Variants in CA8 observed in about 807,000 individuals in gnomAD.
CA8 encodes the protein carbonic anhydrase 8 (inactive).
Under a neutral mutation model 41.4 loss-of-function variants are expected in CA8, and 22 were observed. The ratio of observed to expected loss-of-function variants is 0.53; its 90% CI spans 0.38 to 0.76. CA8 has a LOEUF of 0.76. CA8 is among the 30% of genes least tolerant of loss of function. CA8 has a pLI of 0.00. For synonymous variants in CA8, 121 were observed against 130.6 expected (o/e 0.93, Z 0.50); for missense variants, 270 against 352.8 (o/e 0.77, Z 1.88).
At chr8:60,210,338 A>G (rs1806789268) in intron 7 of CA8, among the ~76,000 whole-genome samples, 1 of 152,338 alleles carries the variant, frequency 6.6e-6, no homozygotes, top group East Asian at 1.9e-4. Flanking sequence ...ATAGCTATAG[A>G]ATTCTGCCAT....
intron 3 of CA8, among the ~76,000 whole-genome samples, chr8:60,242,047 T>A (rs1455543210): frequency 6.6e-6 from 1 of 152,214 alleles, no homozygotes; most frequent in African/African-American, 2.4e-5. Flanking sequence ...GGTTTTAGTG[T>A]TCACTGCTTC....
intron 8 of CA8, among the ~76,000 whole-genome samples, chr8:60,196,259 T>C (rs1254803138): frequency 6.6e-6 from 1 of 152,176 alleles, no homozygotes; most frequent in Non-Finnish European, 1.5e-5. Flanking sequence ...ATGATAATAA[T>C]AGTAATTGCT....
At chr8:60,274,250 T>A (rs1305103977) in intron 2 of CA8, among the ~76,000 whole-genome samples, 1 of 151,766 alleles carries the variant, frequency 6.6e-6, no homozygotes, top group Non-Finnish European at 1.5e-5. Context: ...TTATCTGCCC[T>A]CCCTCCTCAA....
intron 3 of CA8, among the ~76,000 whole-genome samples, chr8:60,261,521 G>A (rs1260987008): frequency 6.6e-6 from 1 of 151,994 alleles, no homozygotes; most frequent in Non-Finnish European, 1.5e-5. Context: ...GCCTATCCCT[G>A]ACAAAATTAT....
chr8:60,190,957 T>TACAC lies in CA8; in HGVS notation c.*36-976_*36-973dup, dbSNP rs112367263. ...CACACACTATATATATATATATATA[T>TACAC]ACACACACACATTTCTACATATGCA... On this transcript the variant is annotated intron_variant, in intron 8 of 8. Transcript: ENST00000317995. Among the ~76,000 whole-genome samples, 69 of 103,844 alleles carry TACAC rather than the reference T, an allele frequency of 6.6e-4. 1 individual carries two copies. The highest frequency in any genetic ancestry group is 2.0e-3 in the East Asian group (7 of 3,464). 68.1% of individuals were successfully genotyped at this position (103,844 alleles called of 152,430 possible).
intron 8 of CA8, among the ~76,000 whole-genome samples, chr8:60,200,121 C>G (rs1806380686): frequency 6.6e-6 from 1 of 152,176 alleles, no homozygotes; most frequent in Non-Finnish European, 1.5e-5. Flanking sequence ...CCCAGAAAAC[C>G]AGTAGGCCCC....
chr8:60,213,008 T>A (rs1054481712), intron 7 of CA8, among the ~76,000 whole-genome samples: 1 of 152,216 alleles, frequency 6.6e-6, no homozygotes, highest in Non-Finnish European at 1.5e-5. Flanking sequence ...AAACAGTCCA[T>A]ATATGTATAC....
rs144744990 is a variant in CA8 at position 60,223,707 on chromosome 8, A to G, written c.625+830T>C. 5.7e-4 allele frequency among the ~76,000 whole-genome samples: 87 copies of G among 152,354 alleles called. 1 individual carries two copies. The East Asian group carries it at 0.016, about 28-fold the overall frequency. On this transcript the variant is annotated intron_variant, in intron 6 of 8. Transcript: ENST00000317995. ...TTCTTATGAAATCCTTTAGCTCTGC[A>G]TTAGAGGAATTTATGACTAATATGA...
intron 4 of CA8, among the ~76,000 whole-genome samples, chr8:60,228,653 G>A (rs2130485081): frequency 6.6e-6 from 1 of 152,296 alleles, no homozygotes. Context: ...TGCTGGAGAG[G>A]ATAAAAATGA....
chr8:60,219,137 G>A (rs1807140014), intron 7 of CA8, among the ~76,000 whole-genome samples: 3 of 151,214 alleles, frequency 2.0e-5, no homozygotes, highest in South Asian at 4.2e-4. Context: ...TCTTTTCTTG[G>A]GTGTCTTATT....
chr8:60,224,753 T>C (rs949456279), intron 5 of CA8, among the ~76,000 whole-genome samples, 168 bp from the exon 6 acceptor site: 3 of 152,160 alleles, frequency 2.0e-5, no homozygotes, highest in Non-Finnish European at 2.9e-5. Context: ...AGTAACATTG[T>C]CTGGTTCCTG....
At chr8:60,193,483 G>C (rs182882772) in intron 8 of CA8, among the ~76,000 whole-genome samples, 1 of 152,266 alleles carries the variant, frequency 6.6e-6, no homozygotes, top group East Asian at 1.9e-4. Flanking sequence ...GCAATATCAA[G>C]TAGCTTCTGG....
At chr8:60,227,279 C>A (rs1262577914) in intron 4 of CA8, among the ~76,000 whole-genome samples, 14 of 151,240 alleles carry the variant, frequency 9.3e-5, no homozygotes, top group Admixed American at 9.2e-4. Flanking sequence ...GATGACACAG[C>A]AAGACTCTGT....
chr8:60,241,001 C>A (rs9298027), intron 3 of CA8, among the ~76,000 whole-genome samples: 52,670 of 151,998 alleles, frequency 0.35, 9,558 homozygotes, highest in African/African-American at 0.44. Context: ...ATTTAAGTCA[C>A]AAAATGGGTC....
intron 8 of CA8, among the ~76,000 whole-genome samples, chr8:60,200,902 T>G (rs188803527): frequency 2.7e-5 from 4 of 146,938 alleles, no homozygotes; most frequent in Non-Finnish European, 6.0e-5. Context: ...TTTTATTTAA[T>G]CTTGTATTTA....
chr8:60,274,764 C>T (rs1006081151), intron 2 of CA8, among the ~76,000 whole-genome samples: 7 of 152,028 alleles, frequency 4.6e-5, no homozygotes, highest in African/African-American at 1.2e-4. Context: ...TCCGAGTCTC[C>T]AGAACTAGGA....
rs937589220 is a variant in CA8 at position 60,188,393 on chromosome 8, G to C, written c.*1628C>G. 5 of 152,188 alleles carry C rather than the reference G, an allele frequency of 3.3e-5. No homozygotes were observed. The highest frequency in any genetic ancestry group is 1.2e-4 in the African/African-American group (5 of 41,438). 9.4% of individuals were successfully genotyped at this position (152,188 alleles called of 1,614,324 possible). A position where few individuals can be genotyped will look rare whatever the true frequency, so the allele number is the denominator to read the frequency against. On this transcript the variant is annotated 3_prime_UTR_variant, in exon 9 of 9. Transcript: ENST00000317995. ...GTGGAGAGGCTGGTACCTGTGCAGTGTTTTGTTCCAGGAATGCCATATGAA... is the reference window on the plus strand; with the variant it reads ...GTGGAGAGGCTGGTACCTGTGCAGTCTTTTGTTCCAGGAATGCCATATGAA...
At chr8:60,248,925 C>G (rs149192965) in intron 3 of CA8, among the ~76,000 whole-genome samples, 1 of 152,150 alleles carries the variant, frequency 6.6e-6, no homozygotes, top group Non-Finnish European at 1.5e-5. Flanking sequence ...TTTGTATCCT[C>G]TCTTATTTCT....
chr8:60,215,358 TACACAC>T (rs144232916), intron 7 of CA8, among the ~76,000 whole-genome samples: 37 of 144,184 alleles, frequency 2.6e-4, no homozygotes, highest in Admixed American at 1.6e-3. Context: ...TGTGTGTGTA[TACACAC>T]ACACACACAC....
Sources: gnomAD v4.1 joint callset for allele counts (sites outside exome capture counted in the v4.1 genomes callset) on GRCh38, gnomAD v4.1.1 for gene constraint, MANE v1.5 for transcripts, NCBI Gene and HGNC (gene_info 2026-07-23, HGNC 2026-07-21) for gene names.